Variants in QKI observed in about 807,000 individuals in gnomAD.
The protein encoded by QKI is QKI, KH domain containing RNA binding.
In QKI, 10 loss-of-function variants were observed where a neutral mutation model predicts 39.0. The observed-to-expected ratio is 0.26, with a 90% CI of 0.16 to 0.43. The LOEUF (loss-of-function observed/expected upper bound fraction) is 0.43, where lower values mean the gene tolerates loss of function less well. Ranked by LOEUF, QKI falls within the 20% of genes least tolerant of loss-of-function variation. The probability of loss-of-function intolerance (pLI) is 1.00; values close to 1 mark genes in which losing one functional copy is unlikely to be tolerated. For missense variants in QKI, 218 were observed against 428.0 expected, an observed-to-expected ratio of 0.51 and a Z score of 4.33; for synonymous variants, 204 against 155.4, an observed-to-expected ratio of 1.31 and a Z score of -2.33.
intron 3 of QKI, among the ~76,000 whole-genome samples, chr6:163,489,052 T>C (rs1389542243): frequency 6.6e-6 from 1 of 151,274 alleles, no homozygotes; most frequent in Non-Finnish European, 1.5e-5. Flanking sequence ...TCACTCTTCA[T>C]AGATTATTAT....
intron 5 of QKI, among the ~76,000 whole-genome samples, chr6:163,562,422 G>A (rs1783090025): frequency 6.6e-6 from 1 of 152,166 alleles, no homozygotes; most frequent in Non-Finnish European, 1.5e-5. Flanking sequence ...CATATTGAAA[G>A]CTTATTTTGA....
At chr6:163,445,764 G>C (rs986350246) in intron 1 of QKI, among the ~76,000 whole-genome samples, 1 of 151,948 alleles carries the variant, frequency 6.6e-6, no homozygotes, top group Non-Finnish European at 1.5e-5. Flanking sequence ...ACAGGCGCCC[G>C]CCACCACGCC....
intron 1 of QKI, among the ~76,000 whole-genome samples, chr6:163,436,066 C>T (rs114149465): frequency 6.6e-6 from 1 of 152,158 alleles, no homozygotes; most frequent in Non-Finnish European, 1.5e-5. Flanking sequence ...GATGCCTGTT[C>T]TGTCCCGCAG....
intron 1 of QKI, among the ~76,000 whole-genome samples, chr6:163,448,618 C>T (rs1346483114): frequency 6.6e-6 from 1 of 151,934 alleles, no homozygotes; most frequent in Admixed American, 6.6e-5. Flanking sequence ...CACCTGTAAT[C>T]CCAGCTACTC....
Position 163,487,761 on chromosome 6 carries a change from CT to C in QKI, c.402+8868del, listed in dbSNP as rs1195384383. Among the ~76,000 whole-genome samples the C allele has an allele frequency of 2.6e-5, 4 of 152,136 alleles. No homozygotes were observed. In the East Asian group the frequency reaches 7.7e-4, roughly 29 times the overall value. On this transcript the variant is annotated intron_variant, in intron 3 of 7. Coordinates refer to ENST00000361752, the MANE Select transcript of QKI (RefSeq NM_006775.3). ...GTTAAATTCAGCTCTCCCACCTTCT[CT>C]TTCTCATTTCTGTTCTTTTTTGAAA...
chr6:163,496,879 T>C (rs945244348), intron 3 of QKI, among the ~76,000 whole-genome samples: 1 of 152,198 alleles, frequency 6.6e-6, no homozygotes, highest in African/African-American at 2.4e-5. Flanking sequence ...CTTCTTGCCC[T>C]TTTGCTCTCT....
intron 2 of QKI, among the ~76,000 whole-genome samples, chr6:163,472,879 A>G (rs532208487): frequency 2.0e-5 from 3 of 152,322 alleles, no homozygotes; most frequent in South Asian, 2.1e-4. Context: ...TTAGATGTAT[A>G]TGTTAGAAAA....
chr6:163,547,910 C>T (rs1398683734), intron 4 of QKI, among the ~76,000 whole-genome samples: 2 of 152,122 alleles, frequency 1.3e-5, no homozygotes, highest in Non-Finnish European at 2.9e-5. Context: ...CAGTGACTTT[C>T]TATCACCCCA....
chr6:163,508,405 A>G (rs1779227655), intron 3 of QKI, among the ~76,000 whole-genome samples: 1 of 152,204 alleles, frequency 6.6e-6, no homozygotes, highest in Non-Finnish European at 1.5e-5. Context: ...AAAAAATTAC[A>G]CACCATATAT....
chr6:163,433,836 A>C (rs1276697437), intron 1 of QKI, among the ~76,000 whole-genome samples: 1 of 152,212 alleles, frequency 6.6e-6, no homozygotes, highest in Non-Finnish European at 1.5e-5. Flanking sequence ...ATAAGGTTAA[A>C]TATTTTGTTA....
intron 3 of QKI, among the ~76,000 whole-genome samples, chr6:163,515,325 G>GT (rs1388983947): frequency 1.1e-3 from 165 of 149,898 alleles, no homozygotes; most frequent in African/African-American, 3.7e-3. Flanking sequence ...AATAGTGTGT[G>GT]TTTTTTTTTA....
chr6:163,435,462 C>G (rs76049202), intron 1 of QKI, among the ~76,000 whole-genome samples: 4,240 of 152,210 alleles, frequency 0.028, 194 homozygotes, highest in African/African-American at 0.096. Context: ...AGAGAACAGG[C>G]TTTAAATTTA....
intron 3 of QKI, among the ~76,000 whole-genome samples, chr6:163,520,807 C>T (rs776381789): frequency 1.1e-4 from 17 of 152,202 alleles, no homozygotes; most frequent in Non-Finnish European, 2.2e-4. Context: ...GCTGCATTAA[C>T]TATCACTTTT....
intron 3 of QKI, among the ~76,000 whole-genome samples, chr6:163,482,301 T>C (rs1035845996): frequency 6.6e-6 from 1 of 152,184 alleles, no homozygotes; most frequent in African/African-American, 2.4e-5. Flanking sequence ...ACTTGAATAT[T>C]GAGTATTAGA....
chr6:163,564,819 CT>C, intron 6 of QKI: 1 of 1,586,926 alleles, frequency 6.3e-7, no homozygotes. Context: ...AATTTGAATA[CT>C]TTTTTTCCTG....
At chr6:163,534,522 AGC>A (rs1781073539) in intron 3 of QKI, among the ~76,000 whole-genome samples, 1 of 152,218 alleles carries the variant, frequency 6.6e-6, no homozygotes, top group Admixed American at 6.5e-5. Flanking sequence ...CTAAATTGAC[AGC>A]CTGTTAGCTG....
chr6:163,443,567 A>G (rs1251646534), intron 1 of QKI, among the ~76,000 whole-genome samples: 1 of 129,048 alleles, frequency 7.7e-6, no homozygotes, highest in Non-Finnish European at 1.7e-5. Flanking sequence ...TCAAAACAAT[A>G]ACAACAACAA....
intron 3 of QKI, among the ~76,000 whole-genome samples, chr6:163,501,387 C>T (rs1466891288): frequency 6.6e-6 from 1 of 151,750 alleles, no homozygotes; most frequent in Admixed American, 6.6e-5. Context: ...GGCCTGATTG[C>T]TCACAATCTG....
chr6:163,415,496 G>C (rs1787376103), intron 1 of QKI, among the ~76,000 whole-genome samples, 161 bp downstream of exon 1: 1 of 150,774 alleles, frequency 6.6e-6, no homozygotes, highest in South Asian at 2.1e-4. Context: ...GCCGGGCCGG[G>C]CTTGCGGCGG....
Sources: allele counts gnomAD v4.1 joint callset (sites outside exome capture counted in the v4.1 genomes callset), GRCh38; gene constraint gnomAD v4.1.1; transcripts MANE v1.5; gene names NCBI Gene and HGNC (gene_info 2026-07-23, HGNC 2026-07-21).